The following FAM110B variants were observed in gnomAD, a reference collection of about 807,000 sequenced individuals.
FAM110B encodes the protein family with sequence similarity 110 member B.
FAM110B carries 6 observed loss-of-function variants against 20.4 expected under a neutral mutation model. The ratio of observed to expected loss-of-function variants is 0.29; its 90% CI spans 0.16 to 0.58. The LOEUF (loss-of-function observed/expected upper bound fraction) is 0.58. Among genes scored for constraint, FAM110B ranks in the 20% least tolerant of loss-of-function variants. The pLI, the probability that FAM110B is intolerant of heterozygous loss-of-function variation, is 0.90. For synonymous variants in FAM110B, 226 were observed against 214.1 expected, an observed-to-expected ratio of 1.06 and a Z score of -0.49; for missense variants, 434 against 498.2, an observed-to-expected ratio of 0.87 and a Z score of 1.23.
Position 58,045,658 on chromosome 8 carries a change from A to G in FAM110B, c.-414+13955A>G, listed in dbSNP as rs1805305516. ...AATTAAAGTTTTATCTATTGGATAA[A>G]ATTCAAAAGTCATCGGCCATCTGTG... On this transcript the variant is annotated intron_variant, in intron 2 of 3. Transcript: ENST00000519262. Among the ~76,000 whole-genome samples, 3 of 152,200 alleles carry G rather than the reference A, an allele frequency of 2.0e-5. No individual in the cohort carries two copies. In the South Asian group the frequency reaches 6.2e-4, roughly 32 times the overall value.
intron 3 of FAM110B, chr8:58,091,617 C>T (rs1319499512): frequency 1.3e-5 from 2 of 152,096 alleles, no homozygotes; most frequent in Non-Finnish European, 2.9e-5. Flanking sequence ...CTGATGGTCA[C>T]TGGCAGACTG....
chr8:58,107,406 A>G (rs1447102337), intron 3 of FAM110B, among the ~76,000 whole-genome samples: 1 of 152,150 alleles, frequency 6.6e-6, no homozygotes, highest in African/African-American at 2.4e-5. Context: ...CAAACAGCCA[A>G]CCCACTGCAT....
chr8:58,024,232 A>T (rs1804811643), intron 1 of FAM110B, among the ~76,000 whole-genome samples: 1 of 149,818 alleles, frequency 6.7e-6, no homozygotes, highest in East Asian at 2.0e-4. Context: ...CTCGGTCCAA[A>T]TAAAAATAAA....
intron 3 of FAM110B, among the ~76,000 whole-genome samples, chr8:58,107,831 T>G (rs956840088): frequency 6.6e-6 from 1 of 152,220 alleles, no homozygotes; most frequent in Non-Finnish European, 1.5e-5. Context: ...TCTGACAGCA[T>G]GCTTGGTTAC....
chr8:58,029,596 A>G (rs1804927093), intron 1 of FAM110B, among the ~76,000 whole-genome samples: 1 of 152,164 alleles, frequency 6.6e-6, no homozygotes, highest in Non-Finnish European at 1.5e-5. Context: ...GAGGTTATTT[A>G]GGAAATTAAA....
intron 3 of FAM110B, among the ~76,000 whole-genome samples, chr8:58,105,847 G>C: frequency 6.6e-6 from 1 of 152,048 alleles, no homozygotes; most frequent in East Asian, 1.9e-4. Context: ...TGGGATTACA[G>C]GCATGAGCCA....
At chr8:58,110,202 A>G (rs1352557060) in intron 3 of FAM110B, among the ~76,000 whole-genome samples, 1 of 152,180 alleles carries the variant, frequency 6.6e-6, no homozygotes, top group Non-Finnish European at 1.5e-5. Flanking sequence ...TCCAAGGCGC[A>G]TGATTATATT....
chr8:58,041,954 G>C (rs1443015474), intron 2 of FAM110B, among the ~76,000 whole-genome samples: 1 of 152,218 alleles, frequency 6.6e-6, no homozygotes, highest in Non-Finnish European at 1.5e-5. Context: ...GAAATAAGCA[G>C]GGTTCTCGCT....
chr8:58,009,998 T>C (rs751967440), intron 1 of FAM110B, among the ~76,000 whole-genome samples: 17 of 152,104 alleles, frequency 1.1e-4, no homozygotes, highest in Non-Finnish European at 1.3e-4. Flanking sequence ...TTGTGGTTGA[T>C]GGCACGGCTC....
At chr8:58,118,882 G>T (rs1045189412) in intron 3 of FAM110B, among the ~76,000 whole-genome samples, 1 of 152,140 alleles carries the variant, frequency 6.6e-6, no homozygotes, top group Non-Finnish European at 1.5e-5. Context: ...AACCATATTC[G>T]TGCTGCTGGC....
At chr8:58,110,117 G>A (rs901937802) in intron 3 of FAM110B, among the ~76,000 whole-genome samples, 19 of 152,108 alleles carry the variant, frequency 1.2e-4, no homozygotes, top group Admixed American at 3.9e-4. Context: ...GGACCTAGTG[G>A]GGATTAAGCA....
At chr8:58,046,714 T>G (rs141186158) in intron 2 of FAM110B, among the ~76,000 whole-genome samples, 31 of 152,352 alleles carry the variant, frequency 2.0e-4, no homozygotes, top group African/African-American at 7.5e-4. Context: ...AATTTTCAAC[T>G]CCTATCATCT....
chr8:58,148,542 G>T lies in FAM110B; in HGVS notation c.*1199G>T, dbSNP rs138581719. On this transcript the variant is annotated 3_prime_UTR_variant, in exon 4 of 4. Coordinates refer to ENST00000519262, the MANE Select transcript of FAM110B (RefSeq NM_001377989.1). Reference sequence around the variant, plus strand: ...TTCCCAATAACCTGTCTTCCAGGTGGTACAGTTAGCTGTCACTCAGCTGAC... The same window carrying T: ...TTCCCAATAACCTGTCTTCCAGGTGTTACAGTTAGCTGTCACTCAGCTGAC... 5.8e-4 allele frequency: 97 copies of T among 167,146 alleles called. 2 individuals are homozygous for T. In the East Asian group the frequency reaches 0.015, roughly 26 times the overall value. 10.4% of individuals were successfully genotyped at this position (167,146 alleles called of 1,614,324 possible).
chr8:58,021,245 A>G (rs768507788), intron 1 of FAM110B, among the ~76,000 whole-genome samples: 1 of 152,172 alleles, frequency 6.6e-6, no homozygotes, highest in Non-Finnish European at 1.5e-5. Flanking sequence ...ACATTCTTCT[A>G]ATTTTTCTTT....
At chr8:58,122,126 T>G (rs1807377664) in intron 3 of FAM110B, among the ~76,000 whole-genome samples, 1 of 152,196 alleles carries the variant, frequency 6.6e-6, no homozygotes, top group Non-Finnish European at 1.5e-5. Context: ...AACTGTAGGT[T>G]AATGATTATT....
At chr8:58,081,660 C>T (rs931339022) in intron 3 of FAM110B, among the ~76,000 whole-genome samples, 7 of 152,192 alleles carry the variant, frequency 4.6e-5, no homozygotes, top group African/African-American at 1.7e-4. Flanking sequence ...TGCTCATGTT[C>T]CCTACACACC....
At chr8:58,109,557 G>T (rs372119106) in intron 3 of FAM110B, among the ~76,000 whole-genome samples, 2 of 152,120 alleles carry the variant, frequency 1.3e-5, no homozygotes, top group East Asian at 1.9e-4. Context: ...CTGGCTAGGG[G>T]TATATGGAAA....
intron 3 of FAM110B, among the ~76,000 whole-genome samples, chr8:58,128,797 C>G (rs1218981588): frequency 6.6e-6 from 1 of 152,156 alleles, no homozygotes; most frequent in Non-Finnish European, 1.5e-5. Flanking sequence ...TTGAGTAGTT[C>G]TTTGTCCAAA....
At chr8:58,032,713 A>C (rs1241343634) in intron 2 of FAM110B, 1 of 152,204 alleles carries the variant, frequency 6.6e-6, no homozygotes, top group Non-Finnish European at 1.5e-5. Context: ...TTTGTAGTCC[A>C]GAGCGCTCAC....
Sources: gnomAD v4.1 joint callset for allele counts (sites outside exome capture counted in the v4.1 genomes callset) on GRCh38, gnomAD v4.1.1 for gene constraint, MANE v1.5 for transcripts, NCBI Gene and HGNC (gene_info 2026-07-23, HGNC 2026-07-21) for gene names.